CD163L1: variants seen among roughly 807,000 people sequenced by gnomAD.
The protein encoded by CD163L1 is CD163 molecule like 1.
CD163L1 carries 124 observed loss-of-function variants against 165.4 expected under a neutral mutation model. The observed-to-expected ratio is 0.75, with a 90% confidence interval of 0.65 to 0.87. CD163L1 has a LOEUF of 0.87. CD163L1 is among the 40% of genes least tolerant of loss of function. CD163L1 has a pLI of 0.00. For synonymous variants in CD163L1, 585 were observed against 662.2 expected, an observed-to-expected ratio of 0.88 and a Z score of 1.79; for missense variants, 1,525 against 1,799.9, an observed-to-expected ratio of 0.85 and a Z score of 2.76.
intron 2 of CD163L1, among the ~76,000 whole-genome samples, chr12:7,436,206 A>G (rs1242088391): frequency 6.6e-6 from 1 of 152,208 alleles, no homozygotes; most frequent in East Asian, 1.9e-4. Context: ...GTGTGCCATT[A>G]CATTATGCTT....
intron 18 of CD163L1, among the ~76,000 whole-genome samples, chr12:7,362,154 TTTATATA>T (rs1946906156): frequency 6.8e-6 from 1 of 146,680 alleles, no homozygotes; most frequent in African/African-American, 2.5e-5. Flanking sequence ...ATATATTATT[TTTATATA>T]TTATATATTA....
chr12:7,410,622 AG>A (rs1948120155), intron 4 of CD163L1, among the ~76,000 whole-genome samples: 1 of 137,554 alleles, frequency 7.3e-6, no homozygotes, highest in Non-Finnish European at 1.5e-5. Flanking sequence ...AAAAAAGGAG[AG>A]CGACGAGACC....
At position 7,396,350 on chromosome 12, in the gene CD163L1, A is replaced by T. The variant is rs144764011; in HGVS notation, c.1795T>A (p.Tyr599Asn). ...SNRCSGRLEV[Y>N]FQGRWGTVCD... ...ACTGTGCCCCACCGTCCTTGAAAGT[A>T]CACCTCCAGTCTTCCCGAGCAGCGG... is the stretch of plus-strand genomic sequence containing the variant. The change falls in exon 8 of 20, where the codon TAC becomes AAC. Residue 599 changes from tyrosine to asparagine, a missense_variant. Tyr to Asn is a moderately radical substitution (Grantham distance 143, BLOSUM62 -2). Transcript: ENST00000313599. 481 of 1,613,884 alleles carry T rather than the reference A, an allele frequency of 3.0e-4. No individual in the cohort carries two copies. In the African/African-American group the frequency reaches 5.3e-3, roughly 18 times the overall value.
intron 4 of CD163L1, among the ~76,000 whole-genome samples, chr12:7,428,310 T>A (rs1440532146): frequency 2.0e-5 from 3 of 152,094 alleles, no homozygotes; most frequent in Non-Finnish European, 2.9e-5. Flanking sequence ...TGGAATCTAT[T>A]TAGTATGAAA....
rs1195520705 is a variant in CD163L1 at position 7,432,826 on chromosome 12, A to C, written c.446-90T>G. Reference sequence around the variant, plus strand: ...AGGATACGTAGAAGACAGCCCTGTTATGAATGAAGTTACCAAAAATTAAAA... The same window carrying C: ...AGGATACGTAGAAGACAGCCCTGTTCTGAATGAAGTTACCAAAAATTAAAA... On this transcript the variant is annotated intron_variant, in intron 3 of 19. Coordinates refer to ENST00000313599, the MANE Select transcript of CD163L1 (RefSeq NM_174941.6). This position sits in a 1 kb window ranked among gnomAD's most constrained non-coding sequence, Gnocchi z 4.2. 5.4e-6 allele frequency: 6 copies of C among 1,104,212 alleles called. No individual in the cohort carries two copies. The highest frequency in any genetic ancestry group is 6.3e-6 in the Non-Finnish European group (5 of 788,066). 68.4% of individuals were successfully genotyped at this position (1,104,212 alleles called of 1,614,324 possible). A position where few individuals can be genotyped will look rare whatever the true frequency, so the allele number is the denominator to read the frequency against.
intron 7 of CD163L1, among the ~76,000 whole-genome samples, chr12:7,397,173 C>A (rs955333505): frequency 6.6e-6 from 1 of 152,148 alleles, no homozygotes; most frequent in African/African-American, 2.4e-5. Flanking sequence ...AGGCAAAGTT[C>A]TGAGTGAACA....
intron 8 of CD163L1, among the ~76,000 whole-genome samples, chr12:7,389,954 A>ATATATT (rs1356907912): frequency 1.3e-4 from 15 of 114,076 alleles, no homozygotes; most frequent in African/African-American, 6.7e-4. Flanking sequence ...TTTTATATAT[A>ATATATT]TATATTTATA....
chr12:7,407,766 TAC>T (rs950006183), intron 4 of CD163L1, among the ~76,000 whole-genome samples: 5 of 148,222 alleles, frequency 3.4e-5, no homozygotes, highest in South Asian at 4.3e-4. Context: ...TGTGTATATA[TAC>T]ACACACACAT....
At chr12:7,346,212 C>G (rs898998291), downstream of CD163L1, among the ~76,000 whole-genome samples, 3 of 152,124 alleles carry the variant, frequency 2.0e-5, no homozygotes, top group African/African-American at 4.8e-5. Flanking sequence ...GATTTTAGAT[C>G]ATCATCATCT....
chr12:7,434,796 G>C (rs1399480576), intron 2 of CD163L1, among the ~76,000 whole-genome samples: 1 of 152,108 alleles, frequency 6.6e-6, no homozygotes, highest in Non-Finnish European at 1.5e-5. Context: ...AGTACACAAT[G>C]GCTTAGTGAG....
At chr12:7,359,655 A>C (rs1480660129) in intron 18 of CD163L1, among the ~76,000 whole-genome samples, 1 of 152,164 alleles carries the variant, frequency 6.6e-6, no homozygotes, top group African/African-American at 2.4e-5. Context: ...AGAAGCTCTG[A>C]TCTACGAAAA....
At chr12:7,329,166 G>A in the CD163L1 span, among the ~76,000 whole-genome samples, 2 of 147,772 alleles carry the variant, frequency 1.4e-5, no homozygotes, top group Non-Finnish European at 3.0e-5. Context: ...ACATCTGAAA[G>A]TGTATATGTA....
chr12:7,425,682 A>G (rs1948528593), intron 4 of CD163L1, among the ~76,000 whole-genome samples: 1 of 152,220 alleles, frequency 6.6e-6, no homozygotes, highest in South Asian at 2.1e-4. Flanking sequence ...GTGAACAGAC[A>G]TTATGTTGGC....
At chr12:7,409,265 T>C (rs765645013) in intron 4 of CD163L1, among the ~76,000 whole-genome samples, 16 of 152,232 alleles carry the variant, frequency 1.1e-4, no homozygotes, top group Non-Finnish European at 2.9e-5. Flanking sequence ...TATTTTTGTA[T>C]ACTAATTTAT....
the CD163L1 span, among the ~76,000 whole-genome samples, chr12:7,334,960 A>T: frequency 6.6e-6 from 1 of 152,168 alleles, no homozygotes; most frequent in Non-Finnish European, 1.5e-5. Context: ...ATTCAAGGAG[A>T]ACTACAAACC....
chr12:7,370,301 C>A (rs1947118677), intron 14 of CD163L1, among the ~76,000 whole-genome samples: 1 of 152,172 alleles, frequency 6.6e-6, no homozygotes, highest in African/African-American at 2.4e-5. Flanking sequence ...ATAATTATAA[C>A]CGGGGTCATT....
chr12:7,400,531 G>T lies in CD163L1; in HGVS notation c.1409-1947C>A, dbSNP rs1432820363. Among the ~76,000 whole-genome samples, 1 of 152,064 alleles carries T rather than the reference G, an allele frequency of 6.6e-6. No individual in the cohort carries two copies. Among genetic ancestry groups the T allele is most frequent in the Admixed American group, 6.6e-5 (1 of 15,264 alleles). ...TATTTATATTGTATTTTAATAGACTGGGTTTTGCTATGTTGCCCAGGCTGG... is the reference window on the plus strand; with the variant it reads ...TATTTATATTGTATTTTAATAGACTTGGTTTTGCTATGTTGCCCAGGCTGG... On this transcript the variant is annotated intron_variant, in intron 6 of 19. Transcript: ENST00000313599. The surrounding 1 kb of genome is among the most constrained non-coding windows in gnomAD (Gnocchi z 4.1).
At chr12:7,365,231 C>G (rs1946988322) in intron 18 of CD163L1, among the ~76,000 whole-genome samples, 2 of 152,038 alleles carry the variant, frequency 1.3e-5, no homozygotes, top group South Asian at 4.1e-4. Context: ...AAGAATGAAA[C>G]TAGACTCTAT....
chr12:7,322,181 C>T, the CD163L1 span, among the ~76,000 whole-genome samples: 1 of 152,172 alleles, frequency 6.6e-6, no homozygotes, highest in Non-Finnish European at 1.5e-5. Flanking sequence ...GCTAAGTTCT[C>T]CTCCACCTGC....
Sources: gnomAD v4.1 joint callset for allele counts (sites outside exome capture counted in the v4.1 genomes callset) on GRCh38, gnomAD v4.1.1 for gene constraint, Gnocchi (gnomAD v3.1) non-coding constraint, MANE v1.5 for transcripts, NCBI Gene and HGNC (gene_info 2026-07-23, HGNC 2026-07-21) for gene names.